Variants in PPFIA1 observed in about 807,000 individuals in gnomAD.
PPFIA1 encodes the protein liprin-alpha-1.
PPFIA1 carries 25 observed loss-of-function variants against 149.9 expected under a neutral mutation model. The observed-to-expected ratio is 0.17, with a 90% confidence interval of 0.12 to 0.23. The LOEUF (loss-of-function observed/expected upper bound fraction) is 0.23, where lower values mean the gene tolerates loss of function less well. PPFIA1 is among the 10% of genes least tolerant of loss of function. The probability of loss-of-function intolerance (pLI) is 1.00; values close to 1 mark genes in which losing one functional copy is unlikely to be tolerated. For missense variants in PPFIA1, 1,362 were observed against 1,506.5 expected, an observed-to-expected ratio of 0.90 and a Z score of 1.59; for synonymous variants, 549 against 552.8, an observed-to-expected ratio of 0.99 and a Z score of 0.10.
In PPFIA1 at chr11:70,317,173, T is replaced by C. The variant is rs2053685050; in HGVS notation, c.265-7229T>C. On this transcript the variant is annotated intron_variant, in intron 2 of 27. Transcript: ENST00000253925. ...AAACTTAACATTTTTTTTTCCTAAA[T>C]AGGAAAAAATGTACACTGACAATTA... is the stretch of plus-strand genomic sequence containing the variant. Among the ~76,000 whole-genome samples the C allele has an allele frequency of 2.6e-5, 4 of 152,290 alleles. No homozygotes were observed. The South Asian group carries it at 8.3e-4, about 32-fold the overall frequency.
intron 24 of PPFIA1, among the ~76,000 whole-genome samples, chr11:70,375,801 GAAAA>G (rs112607936): frequency 5.7e-5 from 7 of 122,082 alleles, no homozygotes; most frequent in African/African-American, 1.7e-4. Flanking sequence ...AAAGAAAAAG[GAAAA>G]AAAAAAAAAA....
intron 2 of PPFIA1, chr11:70,278,786 G>A: frequency 2.9e-6 from 1 of 343,040 alleles, no homozygotes. Flanking sequence ...CTTCCAACTT[G>A]CTCAAGTAGA....
chr11:70,314,052 G>T (rs1464470300), intron 2 of PPFIA1, among the ~76,000 whole-genome samples: 1 of 152,204 alleles, frequency 6.6e-6, no homozygotes. Context: ...TTGGGCATTT[G>T]CCTAGGGTAG....
chr11:70,375,503 A>C (rs770389520), intron 24 of PPFIA1: 69 of 152,960 alleles, frequency 4.5e-4, no homozygotes, highest in Middle Eastern at 3.3e-3. Flanking sequence ...AGAACATTGA[A>C]TATGCCAGGC....
intron 16 of PPFIA1, among the ~76,000 whole-genome samples, chr11:70,353,344 C>T (rs2056178967): frequency 6.6e-6 from 1 of 152,202 alleles, no homozygotes; most frequent in African/African-American, 2.4e-5. Context: ...ATAGCCACTG[C>T]AGTCCAGCCT....
chr11:70,335,656 C>T lies in PPFIA1; in HGVS notation c.1390C>T (p.Leu464Phe), dbSNP rs761573726. The T allele has an allele frequency of 6.2e-7, 1 of 1,614,100 alleles. No individual in the cohort carries two copies. Among genetic ancestry groups the T allele is most frequent in the Non-Finnish European group, 8.5e-7 (1 of 1,179,992 alleles). The change falls in exon 11 of 28, where the codon CTT becomes TTT. Residue 464 changes from leucine to phenylalanine, a missense_variant. Physicochemically the swap from Leu to Phe is conservative, Grantham distance 22. This residue lies in a region of PPFIA1 where 733 missense variants were observed against 744.1 expected (regional missense o/e 0.99). Coordinates refer to ENST00000253925, the MANE Select transcript of PPFIA1 (RefSeq NM_003626.5). Reference protein sequence around the residue: ...LLSESNERLQLHLKERMAALE... With the variant: ...LLSESNERLQFHLKERMAALE... The stretch of plus-strand genomic sequence containing the variant: ...TTCAGAATCTAATGAGAGGCTTCAA[C>T]TTCATCTTAAAGAGAGAATGGCTGC...
chr11:70,278,330 C>T (rs966183732), intron 2 of PPFIA1, among the ~76,000 whole-genome samples: 13 of 152,118 alleles, frequency 8.5e-5, no homozygotes, highest in Non-Finnish European at 1.9e-4. Flanking sequence ...GCCACTGTGC[C>T]CAATTTGCCT....
intron 2 of PPFIA1, among the ~76,000 whole-genome samples, chr11:70,306,899 A>G (rs1456788153): frequency 1.3e-5 from 2 of 152,206 alleles, no homozygotes; most frequent in African/African-American, 4.8e-5. Flanking sequence ...AAACGTCAGA[A>G]TCCTTCCCTG....
chr11:70,372,063 TGAGAA>T (rs1268749937), intron 21 of PPFIA1, 147 bp from the exon 22 acceptor site: 2 of 603,488 alleles, frequency 3.3e-6, no homozygotes, highest in Non-Finnish European at 5.3e-6. Context: ...ATTTAAAAGG[TGAGAA>T]GAGATCAAAT....
In PPFIA1 at chr11:70,333,053, C is replaced by T. The variant is rs372167482; in HGVS notation, c.1213-417C>T. The T allele has an allele frequency of 1.5e-5, 7 of 458,268 alleles. No homozygotes were observed. In the East Asian group the frequency reaches 3.5e-4, roughly 23 times the overall value. The allele number at this position is 458,268 out of a possible 1,614,324, so 28.4% of individuals were successfully genotyped here. A position where few individuals can be genotyped will look rare whatever the true frequency, so the allele number is the denominator to read the frequency against. ...CTTTTGTCTTCTGGGAGCTCTGCTGCTAAGGAAGCTAAACTGTTGGAACTT... is the reference window on the plus strand; with the variant it reads ...CTTTTGTCTTCTGGGAGCTCTGCTGTTAAGGAAGCTAAACTGTTGGAACTT... On this transcript the variant is annotated intron_variant, in intron 9 of 27. Coordinates refer to ENST00000253925, the MANE Select transcript of PPFIA1 (RefSeq NM_003626.5).
At chr11:70,294,197 C>T (rs1258152032) in intron 2 of PPFIA1, among the ~76,000 whole-genome samples, 1 of 152,056 alleles carries the variant, frequency 6.6e-6, no homozygotes, top group Non-Finnish European at 1.5e-5. Context: ...CTACCTCGGC[C>T]TCCCAAAGTG....
At position 70,371,129 on chromosome 11, in the gene PPFIA1, C is replaced by T. The variant is rs999539777; in HGVS notation, c.2866-1086C>T. ...CCTGGGCGACAGAGGGAGCAATTTC[C>T]CCTTGTAATTTCTTGCTGTGAATTA... On this transcript the variant is annotated intron_variant, in intron 21 of 27. Coordinates refer to ENST00000253925, the MANE Select transcript of PPFIA1 (RefSeq NM_003626.5). 2.6e-5 allele frequency among the ~76,000 whole-genome samples: 4 copies of T among 152,108 alleles called. No individual in the cohort carries two copies. The East Asian group carries it at 7.7e-4, about 29-fold the overall frequency.
rs375719549 is a variant in PPFIA1, at chr11:70,378,141, G to A, written c.3496G>A (p.Val1166Met). ...SAETLPANFR[V>M]TSSMSSPSMQ... Reference sequence around the variant, plus strand: ...AGAGACTCTCCCTGCAAACTTCCGGGTGACTTCTTCTATGTCTTCCCCCTC... The same window carrying A: ...AGAGACTCTCCCTGCAAACTTCCGGATGACTTCTTCTATGTCTTCCCCCTC... The change falls in exon 26 of 28, where the codon GTG (valine) becomes ATG (methionine). Residue 1166 changes from valine to methionine, a missense_variant. Val to Met is a conservative substitution (Grantham distance 21, BLOSUM62 1). Transcript: ENST00000253925. 4 of 1,614,134 alleles carry A rather than the reference G, an allele frequency of 2.5e-6. No individual in the cohort carries two copies. The highest frequency in any genetic ancestry group is 3.4e-6 in the Non-Finnish European group (4 of 1,180,026).
At chr11:70,277,481 G>GTT (rs557970129) in intron 2 of PPFIA1, among the ~76,000 whole-genome samples, 2 of 142,986 alleles carry the variant, frequency 1.4e-5, no homozygotes, top group Admixed American at 7.0e-5. Flanking sequence ...TATATTTCTT[G>GTT]TTTTTTTTTT....
chr11:70,380,493 C>T (rs2057668227), intron 26 of PPFIA1, among the ~76,000 whole-genome samples: 1 of 151,990 alleles, frequency 6.6e-6, no homozygotes, highest in East Asian at 1.9e-4. Flanking sequence ...AGGAGAATGG[C>T]ATGAACCCAG....
intron 4 of PPFIA1, 130 bp downstream of exon 4, chr11:70,325,141 G>A (rs2054182026): frequency 1.1e-6 from 1 of 873,680 alleles, no homozygotes; most frequent in Non-Finnish European, 1.6e-6. Context: ...AGAAGACAGG[G>A]TTTTGTAGGT....
chr11:70,279,722 GGTGTGTGTGT>G (rs71046599), intron 2 of PPFIA1, among the ~76,000 whole-genome samples: 25,485 of 135,314 alleles, frequency 0.19, 2,428 homozygotes, highest in South Asian at 0.27. Context: ...TATGTGTCTA[GGTGTGTGTGT>G]GTGTGTGTGT....
Position 70,367,440 on chromosome 11 carries a change from A to G in PPFIA1, c.2866-4775A>G, listed in dbSNP as rs189516031. 2.5e-3 allele frequency: 1,127 copies of G among 447,522 alleles called. 6 individuals are homozygous for G. Among genetic ancestry groups the G allele is most frequent in the Non-Finnish European group, 3.5e-3 (769 of 222,458 alleles). 27.7% of individuals were successfully genotyped at this position (447,522 alleles called of 1,614,324 possible). A position where few individuals can be genotyped will look rare whatever the true frequency, so the allele number is the denominator to read the frequency against. On this transcript the variant is annotated intron_variant, in intron 21 of 27. Coordinates refer to ENST00000253925, the MANE Select transcript of PPFIA1 (RefSeq NM_003626.5). The stretch of plus-strand genomic sequence containing the variant: ...TGCGTGGAGCATCTATGAGCAGGAC[A>G]CCCATGGTCCCCCCGTCATGGAGCT...
chr11:70,297,550 A>G (rs2052160693), intron 2 of PPFIA1, among the ~76,000 whole-genome samples: 1 of 152,228 alleles, frequency 6.6e-6, no homozygotes, highest in Non-Finnish European at 1.5e-5. Flanking sequence ...AGAAGAATGG[A>G]TGAAATTCAA....
Sources: gnomAD v4.1 joint callset for allele counts (sites outside exome capture counted in the v4.1 genomes callset) on GRCh38, gnomAD v4.1.1 for gene constraint, gnomAD v4.1.1 regional missense constraint, MANE v1.5 for transcripts, NCBI Gene and HGNC (gene_info 2026-07-23, HGNC 2026-07-21) for gene names.